The following DNAH1 variants were observed in gnomAD, a reference collection of about 807,000 sequenced individuals.
DNAH1 encodes dynein axonemal heavy chain 1, also known as axonemal beta dynein heavy chain 1.
In DNAH1, 327 loss-of-function variants were observed where a neutral mutation model predicts 484.3. The ratio of observed to expected loss-of-function variants is 0.68; its 90% CI spans 0.62 to 0.74. The LOEUF is 0.74. Among genes scored for constraint, DNAH1 ranks in the 30% least tolerant of loss-of-function variants. The probability of loss-of-function intolerance (pLI) is 0.00; values close to 1 mark genes in which losing one functional copy is unlikely to be tolerated. For synonymous variants in DNAH1, 2,192 were observed against 2,191.9 expected, an observed-to-expected ratio of 1.00 and a Z score of 0.00; for missense variants, 5,052 against 5,546.8, an observed-to-expected ratio of 0.91 and a Z score of 2.83.
chr3:52,370,652 C>T lies in DNAH1; in HGVS notation c.6417+17C>T. The stretch of plus-strand genomic sequence containing the variant: ...AACGAACAGGTGAGAGCCGGCGGCC[C>T]CCAGGGACCAGGAGCCTCAGTCCTA... On this transcript the variant is annotated intron_variant, in intron 40 of 77. Transcript: ENST00000420323. 6.2e-7 allele frequency: 1 copy of T among 1,605,638 alleles called. No individual in the cohort carries two copies. The highest frequency in any genetic ancestry group is 8.5e-7 in the Non-Finnish European group (1 of 1,176,120).
intron 17 of DNAH1, 104 bp downstream of exon 17, chr3:52,352,207 C>G (rs1035130058): frequency 6.9e-7 from 1 of 1,451,062 alleles, no homozygotes; most frequent in African/African-American, 1.4e-5. Context: ...GGTGCTGAGT[C>G]AACATGTGAT....
chr3:52,397,161 C>G, intron 73 of DNAH1, 117 bp downstream of exon 73: 1 of 988,974 alleles, frequency 1.0e-6, no homozygotes, highest in Non-Finnish European at 1.5e-6. Context: ...CATCAGCTGT[C>G]TTTTCATCAG....
chr3:52,372,808 C>A, intron 43 of DNAH1, 88 bp from the exon 44 acceptor site: 1 of 1,514,468 alleles, frequency 6.6e-7, no homozygotes, highest in South Asian at 1.3e-5. Context: ...AAGGGCTTCC[C>A]AGAGGCAAAG....
At chr3:52,327,818 C>T (rs1040727261) in intron 5 of DNAH1, 64 bp from the exon 6 acceptor site, 10 of 1,591,062 alleles carry the variant, frequency 6.3e-6, no homozygotes, top group Non-Finnish European at 7.7e-6. Flanking sequence ...TTTGGCACAC[C>T]CAGTCCCACC....
chr3:52,337,869 A>T (rs189374764), intron 8 of DNAH1, among the ~76,000 whole-genome samples: 1 of 152,238 alleles, frequency 6.6e-6, no homozygotes, highest in East Asian at 1.9e-4. Context: ...ATCATAGCTC[A>T]CTTCAGCCTT....
At chr3:52,330,975 G>A (rs900651319) in intron 6 of DNAH1, among the ~76,000 whole-genome samples, 173 bp from the exon 7 acceptor site, 6 of 152,288 alleles carry the variant, frequency 3.9e-5, no homozygotes, top group East Asian at 1.9e-4. Context: ...AGGCGAGCTC[G>A]GCTGGGAGGA....
intron 50 of DNAH1, among the ~76,000 whole-genome samples, chr3:52,382,682 G>A (rs987974852): frequency 6.6e-6 from 1 of 152,208 alleles, no homozygotes; most frequent in African/African-American, 2.4e-5. Context: ...CTCATGCCCC[G>A]AAGGTAAAGA....
At chr3:52,377,259 T>G (rs1161821968) in intron 46 of DNAH1, among the ~76,000 whole-genome samples, 1 of 151,954 alleles carries the variant, frequency 6.6e-6, no homozygotes, top group Non-Finnish European at 1.5e-5. Context: ...TCCTTCCAGG[T>G]GCTCCCAGCA....
At chr3:52,314,821 A>T (rs1294081552), upstream of DNAH1, among the ~76,000 whole-genome samples, 1 of 152,154 alleles carries the variant, frequency 6.6e-6, no homozygotes, top group African/African-American at 2.4e-5. Context: ...CAAAGAGGGA[A>T]GAGGCTCCGG....
chr3:52,397,791 G>A lies in DNAH1; in HGVS notation c.11872G>A (p.Ala3958Thr). The A allele has an allele frequency of 6.2e-7, 1 of 1,613,792 alleles. No homozygotes were observed. Among genetic ancestry groups the A allele is most frequent in the Non-Finnish European group, 8.5e-7 (1 of 1,179,766 alleles). ...GLHDNANITF[A>T]QNETFALLGT... is the part of the protein sequence containing the mutation. ...GCATGACAATGCCAACATCACCTTT[G>A]CCCAGAACGAGACGTTCGCCCTCCT... The change falls in exon 74 of 78, where the codon GCC becomes ACC. Residue 3958 changes from alanine to threonine, a missense_variant. Ala to Thr is a moderately conservative substitution (Grantham distance 58). Transcript: ENST00000420323.
chr3:52,344,598 C>T lies in DNAH1; in HGVS notation c.1395C>T (p.Phe465=). The change falls in exon 9 of 78, where the codon TTC becomes TTT. Residue 465 remains phenylalanine (F), a synonymous_variant. Transcript: ENST00000420323. ...TTGTCTCTTCCAAGCCCGAGACCTT[C>T]TCCTACGTCACCCTCCCCAAGAAGG... The part of the protein sequence containing the change: ...DHVVSSKPET[F]SYVTLPKKEE... 6.2e-7 allele frequency: 1 copy of T among 1,613,988 alleles called. No individual in the cohort carries two copies. The highest frequency in any genetic ancestry group is 1.3e-5 in the African/African-American group (1 of 75,072).
intron 28 of DNAH1, among the ~76,000 whole-genome samples, chr3:52,360,656 G>A (rs1045143279): frequency 6.6e-6 from 1 of 152,192 alleles, no homozygotes; most frequent in Non-Finnish European, 1.5e-5. Context: ...GCCTCCTCAC[G>A]GTGGTAATGA....
In DNAH1 at chr3:52,398,106, G is replaced by A. The variant is rs1309535804; in HGVS notation, c.12033G>A (p.Lys4011=). 4.3e-6 allele frequency: 7 copies of A among 1,613,768 alleles called. No individual in the cohort carries two copies. The highest frequency in any genetic ancestry group is 3.3e-5 in the Admixed American group (2 of 59,992). ...EPINLQWVMA[K]YPVLYEESMN... Reference sequence around the variant, plus strand: ...TCAACTTGCAATGGGTGATGGCCAAGTACCCAGTGCTGTATGAGGAATCAA... The same window carrying A: ...TCAACTTGCAATGGGTGATGGCCAAATACCCAGTGCTGTATGAGGAATCAA... The change falls in exon 75 of 78, where the codon AAG becomes AAA. Residue 4011 remains lysine, a synonymous_variant. Coordinates refer to ENST00000420323, the MANE Select transcript of DNAH1 (RefSeq NM_015512.5).
chr3:52,352,433 C>T, intron 17 of DNAH1, 119 bp from the exon 18 acceptor site: 1 of 1,370,308 alleles, frequency 7.3e-7, no homozygotes, highest in Non-Finnish European at 9.8e-7. Context: ...GGAGAACAAC[C>T]TCCTTAGAAC....
At chr3:52,392,192 C>T (rs1380616265) in intron 63 of DNAH1, among the ~76,000 whole-genome samples, 1 of 152,210 alleles carries the variant, frequency 6.6e-6, no homozygotes, top group African/African-American at 2.4e-5. Flanking sequence ...AGGTATTGTC[C>T]AGAGACCCCA....
At position 52,364,695 on chromosome 3, in the gene DNAH1, C is replaced by T. The variant is rs750764706; in HGVS notation, c.5302C>T (p.Leu1768Phe). The part of the protein sequence containing the change: ...VKTVISAAGN[L>F]KRENPSMNEE... Reference sequence around the variant, plus strand: ...AACTGTGATCTCGGCTGCTGGGAACCTCAAGCGAGAAAACCCCAGCATGAA... The same window carrying T: ...AACTGTGATCTCGGCTGCTGGGAACTTCAAGCGAGAAAACCCCAGCATGAA... The change falls in exon 33 of 78, where the codon CTC becomes TTC. Residue 1768 changes from leucine (L) to phenylalanine (F), a missense_variant. This residue lies in a region of DNAH1 where 2,929 missense variants were observed against 3,409.4 expected (regional missense o/e 0.86). Transcript: ENST00000420323. The surrounding 1 kb of genome is among the most constrained non-coding windows in gnomAD (Gnocchi z 4.2). 1.9e-6 allele frequency: 3 copies of T among 1,613,678 alleles called. No homozygotes were observed. The highest frequency in any genetic ancestry group is 1.3e-5 in the African/African-American group (1 of 74,898).
At chr3:52,332,078 A>T in intron 7 of DNAH1, 64 bp from the exon 8 acceptor site, 1 of 1,518,962 alleles carries the variant, frequency 6.6e-7, no homozygotes, top group Non-Finnish European at 8.9e-7. Flanking sequence ...GCCGGCCGGA[A>T]CCTAGTGTTT....
intron 3 of DNAH1, among the ~76,000 whole-genome samples, chr3:52,324,655 G>A (rs561425923): frequency 1.3e-4 from 20 of 152,098 alleles, no homozygotes; most frequent in Non-Finnish European, 2.9e-5. Flanking sequence ...AAAACATCAC[G>A]AGCATGTACA....
intron 36 of DNAH1, among the ~76,000 whole-genome samples, chr3:52,367,822 C>G (rs528909661): frequency 6.6e-6 from 1 of 152,344 alleles, no homozygotes; most frequent in South Asian, 2.1e-4. Context: ...ATCTGCCCGC[C>G]TTGGCCTCCC....
Sources: allele counts gnomAD v4.1 joint callset (sites outside exome capture counted in the v4.1 genomes callset), GRCh38; gene constraint gnomAD v4.1.1; regional missense constraint gnomAD v4.1.1; non-coding constraint Gnocchi (gnomAD v3.1); transcripts MANE v1.5; gene names NCBI Gene and HGNC (gene_info 2026-07-23, HGNC 2026-07-21).